Variants in ERBB4 observed in about 807,000 individuals in gnomAD.
ERBB4 encodes receptor tyrosine-protein kinase erbB-4.
ERBB4 carries 42 observed loss-of-function variants against 158.0 expected under a neutral mutation model. That is an observed-to-expected ratio of 0.27 (90% CI 0.21 to 0.34). The LOEUF is 0.34. Among genes scored for constraint, ERBB4 ranks in the 10% least tolerant of loss-of-function variants. The pLI is 1.00. For missense variants in ERBB4, 1,333 were observed against 1,624.1 expected, an observed-to-expected ratio of 0.82 and a Z score of 3.08; for synonymous variants, 583 against 558.7, an observed-to-expected ratio of 1.04 and a Z score of -0.61.
At chr2:211,653,826 C>T (rs189169290) in intron 16 of ERBB4, among the ~76,000 whole-genome samples, 149 of 151,984 alleles carry the variant, frequency 9.8e-4, no homozygotes, top group African/African-American at 3.3e-3. Context: ...AGGCATGTTC[C>T]ACCACGCCCG....
At chr2:211,613,763 C>G (rs930751104) in intron 19 of ERBB4, among the ~76,000 whole-genome samples, 1 of 151,900 alleles carries the variant, frequency 6.6e-6, no homozygotes, top group Non-Finnish European at 1.5e-5. Context: ...CCAAGACAGG[C>G]AATAACAAAT....
chr2:211,864,783 T>C (rs2078160973), intron 3 of ERBB4, among the ~76,000 whole-genome samples: 1 of 152,014 alleles, frequency 6.6e-6, no homozygotes, highest in Non-Finnish European at 1.5e-5. Context: ...CTGGGCAACA[T>C]GGTAAAACCC....
At chr2:212,249,495 T>C (rs1023236809) in intron 1 of ERBB4, among the ~76,000 whole-genome samples, 1 of 139,938 alleles carries the variant, frequency 7.1e-6, no homozygotes, top group Admixed American at 6.9e-5. Flanking sequence ...AGTTTTTGTC[T>C]ATCTTTTTAG....
chr2:212,018,932 A>G lies in ERBB4; in HGVS notation c.235-71316T>C, dbSNP rs74504229. On this transcript the variant is annotated intron_variant, in intron 2 of 27. Coordinates refer to ENST00000342788, the MANE Select transcript of ERBB4 (RefSeq NM_005235.3). Reference sequence around the variant, plus strand: ...GCAACAAGAAATAGTTCAAGACCCAATAACTGGCGAATCATTACATTAAAA... The same window carrying G: ...GCAACAAGAAATAGTTCAAGACCCAGTAACTGGCGAATCATTACATTAAAA... Among the ~76,000 whole-genome samples, 181 of 152,256 alleles carry G rather than the reference A, an allele frequency of 1.2e-3. 4 individuals are homozygous for G. In the East Asian group the frequency reaches 0.026, roughly 22 times the overall value.
chr2:212,084,795 G>C (rs1383841999), intron 2 of ERBB4, among the ~76,000 whole-genome samples: 1 of 151,866 alleles, frequency 6.6e-6, no homozygotes, highest in Non-Finnish European at 1.5e-5. Context: ...TAAAAAGTTA[G>C]AAAGTCACAT....
intron 2 of ERBB4, among the ~76,000 whole-genome samples, chr2:211,952,892 T>C (rs1257528470): frequency 6.6e-6 from 1 of 152,040 alleles, no homozygotes; most frequent in African/African-American, 2.4e-5. Context: ...AAAAAAATTA[T>C]AATATCATTA....
chr2:211,456,617 A>G (rs1030545695), intron 20 of ERBB4, among the ~76,000 whole-genome samples: 2 of 152,144 alleles, frequency 1.3e-5, no homozygotes, highest in African/African-American at 2.4e-5. Flanking sequence ...CCAGTGCTTT[A>G]GTCCAGTGGT....
Position 211,383,242 on chromosome 2 carries a change from TAAA to T in ERBB4, c.*370_*372del, listed in dbSNP as rs878944435. On this transcript the variant is annotated 3_prime_UTR_variant, in exon 28 of 28. Transcript: ENST00000342788. ...GCATGGGTGTTTCAACCATCTGCTT[TAAA>T]AAAAAAAAAAAAAAAGAAGAGGAAG... The T allele has an allele frequency of 3.1e-3, 669 of 215,598 alleles. No individual in the cohort carries two copies. Among genetic ancestry groups the T allele is most frequent in the South Asian group, 7.6e-3 (71 of 9,382 alleles). 13.4% of individuals were successfully genotyped at this position (215,598 alleles called of 1,614,324 possible).
At chr2:211,642,832 A>C (rs1345963081) in intron 16 of ERBB4, among the ~76,000 whole-genome samples, 1 of 152,136 alleles carries the variant, frequency 6.6e-6, no homozygotes, top group African/African-American at 2.4e-5. Flanking sequence ...TATGTTTTTA[A>C]ACTTAACAAA....
rs1348897695 is a variant in ERBB4 at position 212,305,284 on chromosome 2, T to A, written c.83-180381A>T. Among the ~76,000 whole-genome samples the A allele has an allele frequency of 3.3e-5, 5 of 151,390 alleles. No individual in the cohort carries two copies. In the East Asian group the frequency reaches 9.7e-4, roughly 30 times the overall value. On this transcript the variant is annotated intron_variant, in intron 1 of 27. Coordinates refer to ENST00000342788, the MANE Select transcript of ERBB4 (RefSeq NM_005235.3). The stretch of plus-strand genomic sequence containing the variant: ...AATTGGTCTATTATCAGTATTAATG[T>A]ATGCTGTTTAGTGAGGACGTACTCT...
chr2:212,005,819 C>T (rs1249134185), intron 2 of ERBB4, among the ~76,000 whole-genome samples: 11 of 152,124 alleles, frequency 7.2e-5, no homozygotes, highest in Non-Finnish European at 1.3e-4. Context: ...GGCTCAGTGG[C>T]TCATGCCTAT....
In ERBB4 at chr2:211,892,914, T is replaced by G. The variant is rs369904849; in HGVS notation, c.421+54516A>C. ...CACTGCTCAAGGAAATAAAAGAGGA[T>G]ACAAACAAATGGAAGAACATTCCAT... On this transcript the variant is annotated intron_variant, in intron 3 of 27. Transcript: ENST00000342788. 1.3e-3 allele frequency among the ~76,000 whole-genome samples: 186 copies of G among 143,352 alleles called. 1 individual carries two copies. The East Asian group carries it at 0.032, about 25-fold the overall frequency. 94.0% of individuals were successfully genotyped at this position (143,352 alleles called of 152,430 possible).
At chr2:211,918,710 C>T (rs959311034) in intron 3 of ERBB4, among the ~76,000 whole-genome samples, 1 of 152,074 alleles carries the variant, frequency 6.6e-6, no homozygotes, top group African/African-American at 2.4e-5. Context: ...ATAGATATGT[C>T]TGTCGCTTCC....
intron 1 of ERBB4, among the ~76,000 whole-genome samples, chr2:212,485,469 C>T (rs996012587): frequency 1.3e-4 from 20 of 152,186 alleles, no homozygotes; most frequent in Admixed American, 3.9e-4. Context: ...TGAACAGCTA[C>T]GGAATGAATT....
intron 2 of ERBB4, among the ~76,000 whole-genome samples, chr2:212,105,787 G>C (rs1373235678): frequency 2.6e-5 from 4 of 152,124 alleles, no homozygotes; most frequent in Non-Finnish European, 5.9e-5. Context: ...TTGTGGGAGG[G>C]ACCCAGTTGG....
rs2062595325 is a variant in ERBB4 at position 211,382,794 on chromosome 2, C to T, written c.*821G>A. The T allele has an allele frequency of 8.6e-6, 2 of 232,376 alleles. No individual in the cohort carries two copies. Among genetic ancestry groups the T allele is most frequent in the Non-Finnish European group, 1.7e-5 (2 of 117,680 alleles). 14.4% of individuals were successfully genotyped at this position (232,376 alleles called of 1,614,324 possible). A position where few individuals can be genotyped will look rare whatever the true frequency, so the allele number is the denominator to read the frequency against. The stretch of plus-strand genomic sequence containing the variant: ...TGATAGCATGAAAAATATTAGCCTC[C>T]CTTTCTTATTTTAAAGATTGTATAC... On this transcript the variant is annotated 3_prime_UTR_variant, in exon 28 of 28. Coordinates refer to ENST00000342788, the MANE Select transcript of ERBB4 (RefSeq NM_005235.3).
chr2:212,453,345 A>C (rs551399406), intron 1 of ERBB4, among the ~76,000 whole-genome samples: 1 of 152,200 alleles, frequency 6.6e-6, no homozygotes, highest in Non-Finnish European at 1.5e-5. Context: ...GACAGAAGTG[A>C]TACAAACTCC....
chr2:211,620,868 G>T (rs1430959324), intron 18 of ERBB4, among the ~76,000 whole-genome samples: 1 of 152,184 alleles, frequency 6.6e-6, no homozygotes, highest in African/African-American at 2.4e-5. Flanking sequence ...CACTTTGGGA[G>T]ACTGAGGCAG....
chr2:211,609,824 A>G (rs2069125117), intron 19 of ERBB4, among the ~76,000 whole-genome samples: 2 of 152,220 alleles, frequency 1.3e-5, no homozygotes, highest in Middle Eastern at 3.2e-3. Context: ...GTTCCTGTCC[A>G]TGACTTAAGG....
Sources: allele counts gnomAD v4.1 joint callset (sites outside exome capture counted in the v4.1 genomes callset), GRCh38; gene constraint gnomAD v4.1.1; transcripts MANE v1.5; gene names NCBI Gene and HGNC (gene_info 2026-07-23, HGNC 2026-07-21).